The following SGPP2 variants were observed in gnomAD, a reference collection of about 807,000 sequenced individuals.
SGPP2 encodes sphingosine 1-phosphate phosphohydrolase 2.
Under a neutral mutation model 33.9 loss-of-function variants are expected in SGPP2, and 30 were observed. The ratio of observed to expected loss-of-function variants is 0.89; its 90% confidence interval spans 0.66 to 1.20. SGPP2 has a LOEUF of 1.20. Ranked by LOEUF, SGPP2 falls within the 50% of genes most tolerant of loss-of-function variation. SGPP2 has a pLI of 0.00. For missense variants in SGPP2, 458 were observed against 532.1 expected (o/e 0.86, Z 1.37); for synonymous variants, 233 against 225.0 (o/e 1.04, Z -0.32).
chr2:222,430,458 G>A (rs1027819506), intron 1 of SGPP2, among the ~76,000 whole-genome samples: 3 of 152,152 alleles, frequency 2.0e-5, no homozygotes, highest in African/African-American at 4.8e-5. Flanking sequence ...TTTTAGGGAA[G>A]GAAGCATAGC....
At chr2:222,459,142 C>CTTTCTTTTTTTTTTTTTTTTTTTTTTT (rs1414316448) in intron 1 of SGPP2, among the ~76,000 whole-genome samples, 1 of 94,464 alleles carries the variant, frequency 1.1e-5, no homozygotes, top group Non-Finnish European at 2.1e-5. Context: ...TTCTTTCTTT[C>CTTTCTTTTTTTTTTTTTTTTTTTTTTT]TTTTTTTTTT....
At chr2:222,453,493 A>T (rs1020486817) in intron 1 of SGPP2, among the ~76,000 whole-genome samples, 4 of 151,962 alleles carry the variant, frequency 2.6e-5, no homozygotes, top group Non-Finnish European at 5.9e-5. Flanking sequence ...TCAATGACAG[A>T]TTTTCTTCCA....
In SGPP2 at chr2:222,478,125, C is replaced by T. The variant is rs149810314; in HGVS notation, c.378+3399C>T. On this transcript the variant is annotated intron_variant, in intron 2 of 4. Coordinates refer to ENST00000321276, the MANE Select transcript of SGPP2 (RefSeq NM_152386.4). ...TGTGAGAAGCGTAAGGTAGTGTGTG[C>T]GTTCCTGCCAGTGCCTGGGGAGAGA... Among the ~76,000 whole-genome samples the T allele has an allele frequency of 4.4e-4, 62 of 141,370 alleles. No homozygotes were observed. The East Asian group carries it at 0.014, about 32-fold the overall frequency. 92.7% of individuals were successfully genotyped at this position (141,370 alleles called of 152,430 possible).
chr2:222,442,626 T>A (rs79652383), intron 1 of SGPP2, among the ~76,000 whole-genome samples: 2 of 152,216 alleles, frequency 1.3e-5, no homozygotes, highest in Non-Finnish European at 2.9e-5. Flanking sequence ...CTTGAACATA[T>A]AAAATACCTA....
At chr2:222,529,966 A>G (rs1698815284) in intron 4 of SGPP2, among the ~76,000 whole-genome samples, 1 of 152,240 alleles carries the variant, frequency 6.6e-6, no homozygotes, top group Admixed American at 6.5e-5. Context: ...TGGTGTGTTT[A>G]GCAGGCCTGA....
intron 2 of SGPP2, among the ~76,000 whole-genome samples, chr2:222,503,121 C>A (rs936843281): frequency 3.9e-5 from 6 of 152,142 alleles, no homozygotes; most frequent in Non-Finnish European, 8.8e-5. Flanking sequence ...TAAGGAAATA[C>A]TGAAACTGTA....
At position 222,454,117 on chromosome 2, in the gene SGPP2, C is replaced by T. The variant is rs142014324; in HGVS notation, c.220-20451C>T. Reference sequence around the variant, plus strand: ...TAATTTTCCTCTCTAGCAAGGAGGTCCTTTTGAATCCTTCAAAAATTTAAG... The same window carrying T: ...TAATTTTCCTCTCTAGCAAGGAGGTTCTTTTGAATCCTTCAAAAATTTAAG... On this transcript the variant is annotated intron_variant, in intron 1 of 4. Coordinates refer to ENST00000321276, the MANE Select transcript of SGPP2 (RefSeq NM_152386.4). Among the ~76,000 whole-genome samples the T allele has an allele frequency of 6.5e-3, 988 of 152,292 alleles. 5 individuals carry two copies. The highest frequency in any genetic ancestry group is 9.4e-3 in the Non-Finnish European group (640 of 68,022).
intron 1 of SGPP2, among the ~76,000 whole-genome samples, chr2:222,443,476 T>C (rs893244186): frequency 6.6e-6 from 1 of 152,194 alleles, no homozygotes; most frequent in African/African-American, 2.4e-5. Context: ...GAACATGCAG[T>C]ATCTGGGTTT....
rs145817860 is a variant in SGPP2, at chr2:222,525,026, C to T, written c.641C>T (p.Thr214Met). 2.2e-5 allele frequency: 36 copies of T among 1,613,498 alleles called. No homozygotes were observed. In the African/African-American group the frequency reaches 3.5e-4, roughly 16 times the overall value. The change falls in exon 4 of 5, where the codon ACG becomes ATG. Residue 214 changes from threonine to methionine, a missense_variant. Thr to Met is a moderately conservative substitution (Grantham distance 81). Coordinates refer to ENST00000321276, the MANE Select transcript of SGPP2 (RefSeq NM_152386.4). ...AGCAGGCTCTACACTGGGATGCATA[C>T]GGTCCTGGTAAGGCTTTGTGGTCAG... The part of the protein sequence containing the change: ...CLSRLYTGMH[T>M]VLDVLGGVLI...
intron 1 of SGPP2, among the ~76,000 whole-genome samples, chr2:222,439,297 T>C (rs1462438568): frequency 1.3e-5 from 2 of 152,180 alleles, no homozygotes. Flanking sequence ...TGGCCTCCCC[T>C]TCATTCAAGG....
At chr2:222,438,767 C>T (rs1488419929) in intron 1 of SGPP2, among the ~76,000 whole-genome samples, 1 of 152,242 alleles carries the variant, frequency 6.6e-6, no homozygotes, top group Non-Finnish European at 1.5e-5. Flanking sequence ...GAATCTCCAA[C>T]CCGGTGTCTT....
At chr2:222,468,030 T>A (rs551811371) in intron 1 of SGPP2, among the ~76,000 whole-genome samples, 6 of 142,468 alleles carry the variant, frequency 4.2e-5, no homozygotes, top group African/African-American at 1.3e-4. Flanking sequence ...TGGTCTACAG[T>A]TTATCAAATT....
At chr2:222,436,035 G>A (rs1309091264) in intron 1 of SGPP2, among the ~76,000 whole-genome samples, 1 of 152,174 alleles carries the variant, frequency 6.6e-6, no homozygotes, top group East Asian at 1.9e-4. Context: ...TGCCCTAATG[G>A]ATCTTCTGTA....
chr2:222,507,558 G>A (rs544144208), intron 2 of SGPP2, among the ~76,000 whole-genome samples: 1 of 152,280 alleles, frequency 6.6e-6, no homozygotes, highest in South Asian at 2.1e-4. Context: ...TTATAGCAAT[G>A]TGAGGGAGGA....
chr2:222,448,051 G>A (rs1476041928), intron 1 of SGPP2, among the ~76,000 whole-genome samples: 4 of 152,160 alleles, frequency 2.6e-5, no homozygotes, highest in African/African-American at 9.7e-5. Flanking sequence ...CAAGTGACCA[G>A]GTAGTATTCG....
chr2:222,507,627 G>C (rs967635132), intron 2 of SGPP2, among the ~76,000 whole-genome samples: 1 of 152,108 alleles, frequency 6.6e-6, no homozygotes, highest in Admixed American at 6.5e-5. Flanking sequence ...GTAAATTTTT[G>C]TTATTTGTTT....
intron 3 of SGPP2, among the ~76,000 whole-genome samples, chr2:222,522,265 T>G (rs1473368093): frequency 6.6e-6 from 1 of 152,186 alleles, no homozygotes; most frequent in Non-Finnish European, 1.5e-5. Flanking sequence ...AGACAGTGCT[T>G]GAATTAGTGC....
intron 1 of SGPP2, among the ~76,000 whole-genome samples, chr2:222,431,147 T>G (rs1179567361): frequency 3.3e-5 from 5 of 151,518 alleles, no homozygotes; most frequent in African/African-American, 1.2e-4. Flanking sequence ...ATGGGAATTG[T>G]GTATTATCTT....
Position 222,476,253 on chromosome 2 carries a change from C to T in SGPP2, c.378+1527C>T, listed in dbSNP as rs961953064. Among the ~76,000 whole-genome samples, 1 of 152,032 alleles carries T rather than the reference C, an allele frequency of 6.6e-6. No homozygotes were observed. Among genetic ancestry groups the T allele is most frequent in the Admixed American group, 6.6e-5 (1 of 15,262 alleles). ...TGGACTTGATCAGGGGTCATAAATT[C>T]GAATGTTCTCAGGGGCAGGGGACAG... On this transcript the variant is annotated intron_variant, in intron 2 of 4. Transcript: ENST00000321276. The surrounding 1 kb of genome is among the most constrained non-coding windows in gnomAD (Gnocchi z 4.3).
Sources: allele counts gnomAD v4.1 joint callset (sites outside exome capture counted in the v4.1 genomes callset), GRCh38; gene constraint gnomAD v4.1.1; non-coding constraint Gnocchi (gnomAD v3.1); transcripts MANE v1.5; gene names NCBI Gene and HGNC (gene_info 2026-07-23, HGNC 2026-07-21).